Variants in RSPO1 observed in about 807,000 individuals in gnomAD.
RSPO1 encodes the protein R-spondin-1.
A neutral mutation model predicts 26.0 loss-of-function variants in RSPO1; 18 were observed. The observed-to-expected ratio is 0.69, with a 90% CI of 0.48 to 1.03. The LOEUF (loss-of-function observed/expected upper bound fraction) is 1.03. Among genes scored for constraint, RSPO1 ranks in the 50% least tolerant of loss-of-function variants. RSPO1 has a pLI of 0.00. For missense variants in RSPO1, 309 were observed against 352.3 expected, an observed-to-expected ratio of 0.88 and a Z score of 0.98; for synonymous variants, 133 against 137.4, an observed-to-expected ratio of 0.97 and a Z score of 0.22.
chr1:37,613,499 C>T lies in RSPO1; in HGVS notation c.625+205G>A, dbSNP rs190257573. ...GGATGTTGACCACAGAAGCTTCCAGCTTCCACTATGCAGAGTTCTGAGGCC... is the reference window on the plus strand; with the variant it reads ...GGATGTTGACCACAGAAGCTTCCAGTTTCCACTATGCAGAGTTCTGAGGCC... On this transcript the variant is annotated intron_variant, in intron 6 of 6. Transcript: ENST00000356545. The surrounding 1 kb of genome is among the most constrained non-coding windows in gnomAD (Gnocchi z 4.5). Among the ~76,000 whole-genome samples, 42 of 152,348 alleles carry T rather than the reference C, an allele frequency of 2.8e-4. No individual in the cohort carries two copies. In the East Asian group the frequency reaches 7.9e-3, roughly 29 times the overall value.
At chr1:37,631,039 A>G (rs188177236) in intron 2 of RSPO1, among the ~76,000 whole-genome samples, 136 of 152,330 alleles carry the variant, frequency 8.9e-4, no homozygotes, top group Admixed American at 4.1e-3. Context: ...GTTCAGGCTC[A>G]GGAATGAGAA....
intron 3 of RSPO1, among the ~76,000 whole-genome samples, chr1:37,627,135 C>T (rs941769589): frequency 2.6e-5 from 4 of 152,108 alleles, no homozygotes; most frequent in African/African-American, 9.7e-5. Context: ...TCTGGTGGCC[C>T]TCCTACCCTG....
At position 37,613,637 on chromosome 1, in the gene RSPO1, AGGTGGCAGGACCTGTCATGGCT is replaced by A; in HGVS notation, c.625+45_625+66del. Reference sequence around the variant, plus strand: ...TTCCTGAGCCGTGGGCAGGAAGCAGAGGTGGCAGGACCTGTCATGGCTGGTGCCTGAGCCCTGACCCCAGGGA... The same window carrying A: ...TTCCTGAGCCGTGGGCAGGAAGCAGAGGTGCCTGAGCCCTGACCCCAGGGA... On this transcript the variant is annotated intron_variant, in intron 6 of 6. Coordinates refer to ENST00000356545, the MANE Select transcript of RSPO1 (RefSeq NM_001242908.2). The surrounding 1 kb of genome is among the most constrained non-coding windows in gnomAD (Gnocchi z 4.5). 7.3e-7 allele frequency: 1 copy of A among 1,372,594 alleles called. No individual in the cohort carries two copies. The highest frequency in any genetic ancestry group is 1.0e-6 in the Non-Finnish European group (1 of 972,678). The allele number at this position is 1,372,594 out of a possible 1,614,324, so 85.0% of individuals were successfully genotyped here.
chr1:37,614,142 G>C (rs1157155404), intron 5 of RSPO1, 42 bp downstream of exon 5: 1 of 1,605,668 alleles, frequency 6.2e-7, no homozygotes, highest in Admixed American at 1.7e-5. Flanking sequence ...CCCTCCTTCT[G>C]GGGTCCTGGA....
At chr1:37,622,371 G>A (rs1025899338) in intron 3 of RSPO1, among the ~76,000 whole-genome samples, 4 of 152,194 alleles carry the variant, frequency 2.6e-5, no homozygotes, top group African/African-American at 9.6e-5. Flanking sequence ...TCAAGAAGTT[G>A]ACTGTTGGCT....
intron 3 of RSPO1, among the ~76,000 whole-genome samples, chr1:37,617,396 C>T (rs372304472): frequency 2.0e-5 from 3 of 152,114 alleles, no homozygotes; most frequent in African/African-American, 4.8e-5. Context: ...CGGTGACTCA[C>T]GCCTGTAATC....
At chr1:37,615,911 T>G (rs1369651433) in intron 4 of RSPO1, among the ~76,000 whole-genome samples, 1 of 152,086 alleles carries the variant, frequency 6.6e-6, no homozygotes, top group Non-Finnish European at 1.5e-5. Flanking sequence ...TGTGATGGGA[T>G]AGGTTGTATG....
At chr1:37,617,659 C>T in intron 3 of RSPO1, among the ~76,000 whole-genome samples, 1 of 36,320 alleles carries the variant, frequency 2.8e-5, no homozygotes. Flanking sequence ...AAGACTCCAT[C>T]TCAAAAAAAA....
chr1:37,624,106 A>G (rs1461095395), intron 3 of RSPO1, among the ~76,000 whole-genome samples: 1 of 151,752 alleles, frequency 6.6e-6, no homozygotes, highest in African/African-American at 2.4e-5. Context: ...ATGGAAGGGC[A>G]TCGTTGGGTT....
At chr1:37,628,557 G>T (rs112056846) in intron 3 of RSPO1, among the ~76,000 whole-genome samples, 2 of 152,228 alleles carry the variant, frequency 1.3e-5, no homozygotes, top group Non-Finnish European at 2.9e-5. Flanking sequence ...ATCTTCTCAT[G>T]CGGGATGTCA....
At chr1:37,628,238 G>A (rs933803796) in intron 3 of RSPO1, among the ~76,000 whole-genome samples, 2 of 152,082 alleles carry the variant, frequency 1.3e-5, no homozygotes, top group African/African-American at 2.4e-5. Flanking sequence ...ATTATAAACC[G>A]CTAAACCGCA....
In RSPO1 at chr1:37,629,766, GC is replaced by G; in HGVS notation, c.-106del. The G allele has an allele frequency of 6.4e-7, 1 of 1,557,632 alleles. No individual in the cohort carries two copies. Among genetic ancestry groups the G allele is most frequent in the Non-Finnish European group, 8.7e-7 (1 of 1,150,372 alleles). ...TCTGGGGCTGGGTCAGCAGCAGGAG[GC>G]CCAGGCCTGGGCCGTAGCCCAAATC... On this transcript the variant is annotated 5_prime_UTR_variant, in exon 3 of 7. An upstream open reading frame in the 5' UTR gains an earlier in-frame stop. Transcript: ENST00000356545.
At position 37,616,583 on chromosome 1, in the gene RSPO1, G is replaced by A; in HGVS notation, c.187C>T (p.Leu63=). 1 of 1,614,174 alleles carries A rather than the reference G, an allele frequency of 6.2e-7. No homozygotes were observed. Among genetic ancestry groups the A allele is most frequent in the Non-Finnish European group, 8.5e-7 (1 of 1,180,020 alleles). Reference sequence around the variant, plus strand: ...TGGCGGATGTCGTTCCTCTCCAGCAGGATGAACAGCTTGGGTGAGCACTTG... The same window carrying A: ...TGGCGGATGTCGTTCCTCTCCAGCAAGATGAACAGCTTGGGTGAGCACTTG... ...CLKCSPKLFI[L]LERNDIRQVG... is the part of the protein sequence containing the mutation. Residue 63 remains leucine (L), a synonymous_variant, in exon 4 of 7, where the codon CTG becomes TTG. Coordinates refer to ENST00000356545, the MANE Select transcript of RSPO1 (RefSeq NM_001242908.2).
chr1:37,616,778 A>C (rs1398499352), intron 3 of RSPO1, 103 bp from the exon 4 acceptor site: 4 of 1,106,168 alleles, frequency 3.6e-6, no homozygotes. Context: ...TTCCTTCCAC[A>C]GAAGGAATAT....
chr1:37,621,216 G>A (rs1644197240), intron 3 of RSPO1, among the ~76,000 whole-genome samples: 1 of 152,218 alleles, frequency 6.6e-6, no homozygotes, highest in Non-Finnish European at 1.5e-5. Context: ...GTTGGAGAGG[G>A]AAGCAGGGGC....
At chr1:37,621,629 G>A (rs1034621492) in intron 3 of RSPO1, among the ~76,000 whole-genome samples, 21 of 152,076 alleles carry the variant, frequency 1.4e-4, no homozygotes, top group African/African-American at 4.3e-4. Context: ...GGAAAATGAC[G>A]AGTAGCTAAG....
chr1:37,625,796 A>G (rs550980818), intron 3 of RSPO1, among the ~76,000 whole-genome samples: 6 of 151,578 alleles, frequency 4.0e-5, no homozygotes, highest in Admixed American at 1.3e-4. Flanking sequence ...CTCCTGCCTC[A>G]GCCTCCCAAG....
chr1:37,629,431 G>C (rs1644323922), intron 3 of RSPO1, 137 bp downstream of exon 3: 7 of 715,532 alleles, frequency 9.8e-6, no homozygotes, highest in Non-Finnish European at 1.8e-5. Context: ...TCTACTGAGT[G>C]ATCTACAAAG....
chr1:37,628,653 A>C (rs1357768979), intron 3 of RSPO1, among the ~76,000 whole-genome samples: 1 of 152,152 alleles, frequency 6.6e-6, no homozygotes, highest in Admixed American at 6.5e-5. Flanking sequence ...CCCCTACAGC[A>C]CTGGGGCCCC....
Sources: allele counts gnomAD v4.1 joint callset (sites outside exome capture counted in the v4.1 genomes callset), GRCh38; gene constraint gnomAD v4.1.1; non-coding constraint Gnocchi (gnomAD v3.1); transcripts MANE v1.5; gene names NCBI Gene and HGNC (gene_info 2026-07-23, HGNC 2026-07-21).